C4orf36: variants seen among roughly 807,000 people sequenced by gnomAD.
C4orf36 encodes chromosome 4 open reading frame 36.
In C4orf36, 11 loss-of-function variants were observed where a neutral mutation model predicts 12.2. The observed-to-expected ratio is 0.90, with a 90% CI of 0.57 to 1.49. The LOEUF (loss-of-function observed/expected upper bound fraction) is 1.49. Among genes scored for constraint, C4orf36 ranks in the 40% most tolerant of loss-of-function variants. The pLI is 0.00. For synonymous variants in C4orf36, 54 were observed against 51.3 expected (o/e 1.05, Z -0.22); for missense variants, 137 against 133.9 (o/e 1.02, Z -0.11).
chr4:86,903,860 C>T, the C4orf36 span, among the ~76,000 whole-genome samples: 1 of 152,176 alleles, frequency 6.6e-6, no homozygotes, highest in Non-Finnish European at 1.5e-5. Flanking sequence ...GGTGCATTTA[C>T]AATTACTTAG....
the C4orf36 span, chr4:86,914,702 C>T: frequency 2.1e-5 from 8 of 389,890 alleles, no homozygotes; most frequent in African/African-American, 8.8e-5. Flanking sequence ...CGCCCGGCTC[C>T]GTTCTTCTTA....
Position 86,876,310 on chromosome 4 carries a change from TC to T in C4orf36, c.*135del. 7.0e-7 allele frequency: 1 copy of T among 1,424,394 alleles called. No homozygotes were observed. The allele number at this position is 1,424,394 out of a possible 1,614,324, so 88.2% of individuals were successfully genotyped here. A position where few individuals can be genotyped will look rare whatever the true frequency, so the allele number is the denominator to read the frequency against. ...GTCTCTGGGCGGGCCGTGGGAGGCT[TC>T]CTGAGGTGGGGGCCGGGCCAGGATG... On this transcript the variant is annotated 3_prime_UTR_variant, in exon 5 of 5. Coordinates refer to ENST00000295898, the MANE Select transcript of C4orf36 (RefSeq NM_144645.4).
At chr4:86,912,794 A>C in the C4orf36 span, among the ~76,000 whole-genome samples, 1 of 152,240 alleles carries the variant, frequency 6.6e-6, no homozygotes, top group Non-Finnish European at 1.5e-5. Context: ...ACATATATGT[A>C]AATGTGTGTA....
chr4:86,892,768 G>A (rs1747479264), upstream of C4orf36, among the ~76,000 whole-genome samples: 1 of 152,254 alleles, frequency 6.6e-6, no homozygotes, highest in African/African-American at 2.4e-5. Context: ...TGAAGGCAGT[G>A]AGCTCAAAGC....
At chr4:86,883,134 G>A (rs975416473) in intron 4 of C4orf36, among the ~76,000 whole-genome samples, 4 of 152,156 alleles carry the variant, frequency 2.6e-5, no homozygotes, top group African/African-American at 7.2e-5. Flanking sequence ...TGGCTCCAGA[G>A]GACAGACCAC....
intron 4 of C4orf36, among the ~76,000 whole-genome samples, chr4:86,883,858 T>C (rs1421244063): frequency 6.6e-6 from 1 of 152,068 alleles, no homozygotes; most frequent in African/African-American, 2.4e-5. Flanking sequence ...TGAAATCCCA[T>C]CTCTACTAAA....
chr4:86,907,728 G>C, the C4orf36 span, among the ~76,000 whole-genome samples: 1 of 152,068 alleles, frequency 6.6e-6, no homozygotes. Context: ...TGTAATCCTA[G>C]CACTTTGGGA....
chr4:86,887,560 T>G, intron 4 of C4orf36, 198 bp downstream of exon 4: 13 of 493,742 alleles, frequency 2.6e-5, no homozygotes, highest in Non-Finnish European at 1.0e-5. Context: ...GTGCTGTCGT[T>G]TGTGACACAA....
chr4:86,931,430 A>C, the C4orf36 span, among the ~76,000 whole-genome samples: 2 of 151,886 alleles, frequency 1.3e-5, no homozygotes. Flanking sequence ...GTGGGGTCTC[A>C]TTCTGTCACC....
At chr4:86,890,154 A>T in intron 2 of C4orf36, 1 of 421,108 alleles carries the variant, frequency 2.4e-6, no homozygotes, top group South Asian at 1.6e-5. Context: ...TGACAGTGTG[A>T]GACCCTGTCA....
the C4orf36 span, among the ~76,000 whole-genome samples, chr4:86,931,196 A>G: frequency 6.6e-5 from 10 of 152,136 alleles, no homozygotes; most frequent in Admixed American, 5.2e-4. Flanking sequence ...ATTTCATATC[A>G]CTGCCCCCCT....
chr4:86,881,701 T>G (rs1747059270), intron 4 of C4orf36, among the ~76,000 whole-genome samples: 1 of 152,116 alleles, frequency 6.6e-6, no homozygotes, highest in South Asian at 2.1e-4. Context: ...GAGATGGAGT[T>G]TCACTCTTGT....
At chr4:86,913,825 CTT>C in the C4orf36 span, 9,040 of 607,232 alleles carry the variant, frequency 0.015, 2 homozygotes, top group East Asian at 0.021. Context: ...TTTTCATCCA[CTT>C]TTTTTTTTTT....
At chr4:86,876,475 T>C (rs1746931824) in intron 4 of C4orf36, 32 bp from the exon 5 acceptor site, 1 of 1,613,602 alleles carries the variant, frequency 6.2e-7, no homozygotes, top group Non-Finnish European at 8.5e-7. Context: ...AATAAGATTT[T>C]ATTTTATCAT....
chr4:86,930,270 T>C, the C4orf36 span, among the ~76,000 whole-genome samples: 13 of 152,382 alleles, frequency 8.5e-5, no homozygotes, highest in South Asian at 4.1e-4. Context: ...GAAAACCCCA[T>C]TGCCAGCTCC....
chr4:86,907,102 G>C, the C4orf36 span, among the ~76,000 whole-genome samples: 7 of 152,076 alleles, frequency 4.6e-5, no homozygotes, highest in African/African-American at 1.7e-4. Context: ...TTACAAGTAA[G>C]TGTTTAAGGT....
At chr4:86,902,378 T>C in the C4orf36 span, among the ~76,000 whole-genome samples, 5 of 128,600 alleles carry the variant, frequency 3.9e-5, no homozygotes, top group Middle Eastern at 5.6e-3. Flanking sequence ...GCTATGATCG[T>C]GCCACTGCAA....
chr4:86,876,774 G>T, intron 4 of C4orf36: 1 of 1,393,906 alleles, frequency 7.2e-7, no homozygotes, highest in Non-Finnish European at 9.5e-7. Context: ...AAAATTGGTT[G>T]CAATTTTAAA....
intron 4 of C4orf36, among the ~76,000 whole-genome samples, chr4:86,884,977 C>T (rs1318718507): frequency 1.3e-5 from 2 of 152,110 alleles, no homozygotes; most frequent in African/African-American, 2.4e-5. Context: ...CCCCATTGTT[C>T]GTTTTTGTCA....
Sources: allele counts gnomAD v4.1 joint callset (sites outside exome capture counted in the v4.1 genomes callset), GRCh38; gene constraint gnomAD v4.1.1; transcripts MANE v1.5; gene names NCBI Gene and HGNC (gene_info 2026-07-23, HGNC 2026-07-21).